HNRNPLL: variants seen among roughly 807,000 people sequenced by gnomAD.
HNRNPLL encodes heterogeneous nuclear ribonucleoprotein L like, also known as heterogeneous nuclear ribonucleoprotein L-like.
Under a neutral mutation model 67.1 loss-of-function variants are expected in HNRNPLL, and 25 were observed. The observed-to-expected ratio is 0.37, with a 90% confidence interval of 0.27 to 0.52. The LOEUF (loss-of-function observed/expected upper bound fraction) is 0.52. Among genes scored for constraint, HNRNPLL ranks in the 20% least tolerant of loss-of-function variants. The pLI, the probability that HNRNPLL is intolerant of heterozygous loss-of-function variation, is 0.90. For synonymous variants in HNRNPLL, 267 were observed against 241.7 expected, an observed-to-expected ratio of 1.10 and a Z score of -0.97; for missense variants, 542 against 673.9, an observed-to-expected ratio of 0.80 and a Z score of 2.17.
At chr2:38,589,763 C>T (rs1666889706) in intron 2 of HNRNPLL, among the ~76,000 whole-genome samples, 1 of 152,142 alleles carries the variant, frequency 6.6e-6, no homozygotes, top group Non-Finnish European at 1.5e-5. Context: ...TAATTAACAT[C>T]AAAATAGTCA....
intron 1 of HNRNPLL, among the ~76,000 whole-genome samples, chr2:38,596,384 G>A (rs905580275): frequency 6.6e-6 from 1 of 151,744 alleles, no homozygotes; most frequent in Admixed American, 6.6e-5. Flanking sequence ...TCAGCCTCCC[G>A]ACTAGCTGGG....
At chr2:38,570,089 G>C (rs1015620181) in intron 8 of HNRNPLL, among the ~76,000 whole-genome samples, 164 bp from the exon 9 acceptor site, 4 of 152,124 alleles carry the variant, frequency 2.6e-5, no homozygotes, top group African/African-American at 9.7e-5. Flanking sequence ...TCTTATCAAA[G>C]TTCAATAGTT....
At chr2:38,599,450 TA>T (rs1276220659) in intron 1 of HNRNPLL, among the ~76,000 whole-genome samples, 5 of 152,148 alleles carry the variant, frequency 3.3e-5, no homozygotes, top group African/African-American at 1.2e-4. Flanking sequence ...TCATGCCTAT[TA>T]AATTTAAGAA....
intron 1 of HNRNPLL, among the ~76,000 whole-genome samples, chr2:38,595,479 C>A (rs927702491): frequency 6.6e-6 from 1 of 151,754 alleles, no homozygotes; most frequent in East Asian, 1.9e-4. Flanking sequence ...AAAAAAATCT[C>A]CTTTTAATAT....
intron 1 of HNRNPLL, among the ~76,000 whole-genome samples, chr2:38,593,425 T>C (rs534256758): frequency 1.3e-5 from 2 of 152,248 alleles, no homozygotes; most frequent in African/African-American, 4.8e-5. Flanking sequence ...AATTAGAAAA[T>C]AATAAACTGC....
At chr2:38,600,028 A>C (rs1667360741) in intron 1 of HNRNPLL, 1 of 403,156 alleles carries the variant, frequency 2.5e-6, no homozygotes, top group Non-Finnish European at 5.1e-6. Context: ...CAAGACAGTA[A>C]ACTTCTATCC....
chr2:38,579,960 A>G (rs1014810324), intron 6 of HNRNPLL, among the ~76,000 whole-genome samples: 1 of 152,164 alleles, frequency 6.6e-6, no homozygotes, highest in African/African-American at 2.4e-5. Context: ...CTTTAATTAT[A>G]TTTCACTATT....
At chr2:38,573,806 T>G (rs1314648438) in intron 7 of HNRNPLL, among the ~76,000 whole-genome samples, 1 of 151,752 alleles carries the variant, frequency 6.6e-6, no homozygotes, top group Non-Finnish European at 1.5e-5. Context: ...TTTGGAGGAG[T>G]AATAATATTA....
chr2:38,575,367 C>G (rs1185664743), intron 7 of HNRNPLL, among the ~76,000 whole-genome samples: 1 of 151,774 alleles, frequency 6.6e-6, no homozygotes, highest in Admixed American at 6.6e-5. Flanking sequence ...GGTATATTAA[C>G]ATCTTGAAGG....
chr2:38,567,866 T>A (rs1479683349), intron 12 of HNRNPLL, among the ~76,000 whole-genome samples: 2 of 152,164 alleles, frequency 1.3e-5, no homozygotes, highest in Non-Finnish European at 2.9e-5. Context: ...CTGGCTTCAG[T>A]CAAGCCCTGA....
chr2:38,580,419 G>C (rs1666478064), intron 6 of HNRNPLL, among the ~76,000 whole-genome samples: 1 of 152,220 alleles, frequency 6.6e-6, no homozygotes, highest in Non-Finnish European at 1.5e-5. Flanking sequence ...AGTTAAAGGA[G>C]CCAATCATCT....
chr2:38,581,104 T>C (rs984802258), intron 6 of HNRNPLL: 1 of 152,246 alleles, frequency 6.6e-6, no homozygotes, highest in Non-Finnish European at 1.5e-5. Flanking sequence ...TTTTTCTATC[T>C]GTGTGGATTG....
At chr2:38,584,936 T>C (rs1389226890) in intron 3 of HNRNPLL, among the ~76,000 whole-genome samples, 2 of 151,940 alleles carry the variant, frequency 1.3e-5, no homozygotes, top group African/African-American at 4.8e-5. Context: ...TATTAATAAG[T>C]CTATATTTAA....
intron 9 of HNRNPLL, 133 bp downstream of exon 9, chr2:38,569,671 A>G (rs575543498): frequency 7.2e-6 from 4 of 553,566 alleles, no homozygotes; most frequent in Non-Finnish European, 1.2e-5. Context: ...TAAAATAACA[A>G]TATTACAGCT....
intron 7 of HNRNPLL, among the ~76,000 whole-genome samples, chr2:38,575,690 G>A (rs948454726): frequency 2.6e-5 from 4 of 151,682 alleles, no homozygotes; most frequent in African/African-American, 7.3e-5. Flanking sequence ...TCTTATAGTC[G>A]TCACATAGGA....
At chr2:38,595,707 G>A (rs1228579593) in intron 1 of HNRNPLL, among the ~76,000 whole-genome samples, 2 of 152,162 alleles carry the variant, frequency 1.3e-5, no homozygotes, top group Non-Finnish European at 2.9e-5. Flanking sequence ...AGCCGGGCGT[G>A]GTGGCGGGCA....
chr2:38,591,109 C>T (rs969850492), intron 2 of HNRNPLL, among the ~76,000 whole-genome samples: 1 of 152,128 alleles, frequency 6.6e-6, no homozygotes, highest in Non-Finnish European at 1.5e-5. Flanking sequence ...TTTTAGTTGC[C>T]AATTAATTCC....
chr2:38,582,067 T>C lies in HNRNPLL; in HGVS notation c.729+5A>G. ...CTTGGGTAGGGTGTTGAAAAAAATATTTACCCGTGCATATTCAATTTTTAG... is the reference window on the plus strand; with the variant it reads ...CTTGGGTAGGGTGTTGAAAAAAATACTTACCCGTGCATATTCAATTTTTAG... On this transcript the variant is annotated splice_donor_5th_base_variant and intron_variant, in intron 5 of 12. Coordinates refer to ENST00000449105, the MANE Select transcript of HNRNPLL (RefSeq NM_138394.4). 6.2e-7 allele frequency: 1 copy of C among 1,610,910 alleles called. No homozygotes were observed.
rs75416792 is a variant in HNRNPLL at position 38,575,760 on chromosome 2, G to A, written c.874+1701C>T. On this transcript the variant is annotated intron_variant, in intron 7 of 12. Transcript: ENST00000449105. ...GCAAGTAAACCTGTTTTGCTGAAGCGCTGATCTGAAGGGATACATTTGTGA... is the reference window on the plus strand; with the variant it reads ...GCAAGTAAACCTGTTTTGCTGAAGCACTGATCTGAAGGGATACATTTGTGA... Among the ~76,000 whole-genome samples, 75 of 151,850 alleles carry A rather than the reference G, an allele frequency of 4.9e-4. 4 individuals carry two copies. The East Asian group carries it at 0.013, about 27-fold the overall frequency.
Sources: gnomAD v4.1 joint callset for allele counts (sites outside exome capture counted in the v4.1 genomes callset) on GRCh38, gnomAD v4.1.1 for gene constraint, MANE v1.5 for transcripts, NCBI Gene and HGNC (gene_info 2026-07-23, HGNC 2026-07-21) for gene names.